The following GABRR3 variants were observed in gnomAD, a reference collection of about 807,000 sequenced individuals.
GABRR3 encodes the protein gamma-aminobutyric acid receptor subunit rho-3.
GABRR3 carries 29 observed loss-of-function variants against 43.2 expected under a neutral mutation model. The ratio of observed to expected loss-of-function variants is 0.67; its 90% CI spans 0.50 to 0.92. The LOEUF is 0.92. GABRR3 is among the 40% of genes least tolerant of loss of function. GABRR3 has a pLI of 0.00. For synonymous variants in GABRR3, 206 were observed against 195.9 expected, an observed-to-expected ratio of 1.05 and a Z score of -0.43; for missense variants, 576 against 572.3, an observed-to-expected ratio of 1.01 and a Z score of -0.07.
chr3:98,020,305 A>T (rs17376145), intron 3 of GABRR3, among the ~76,000 whole-genome samples: 1 of 152,044 alleles, frequency 6.6e-6, no homozygotes, highest in African/African-American at 2.4e-5. Context: ...AGGACTAGAC[A>T]TAGTACAGTT....
At chr3:98,002,112 G>T (rs1001228287) in intron 7 of GABRR3, among the ~76,000 whole-genome samples, 1 of 151,780 alleles carries the variant, frequency 6.6e-6, no homozygotes, top group African/African-American at 2.4e-5. Flanking sequence ...GACTAATAAT[G>T]GCATAAAAGA....
At chr3:98,007,695 T>C in intron 7 of GABRR3, 69 bp downstream of exon 7, 1 of 1,555,434 alleles carries the variant, frequency 6.4e-7, no homozygotes, top group Non-Finnish European at 8.8e-7. Context: ...TCTTTTCGCA[T>C]GTTGTGGTGC....
downstream of GABRR3, among the ~76,000 whole-genome samples, chr3:97,985,145 T>C (rs1190374589): frequency 1.3e-5 from 2 of 152,186 alleles, no homozygotes; most frequent in African/African-American, 4.8e-5. Flanking sequence ...ATCCCAGCAA[T>C]CAAAATAGGT....
intron 8 of GABRR3, chr3:97,997,505 C>T (rs1453802463): frequency 6.6e-6 from 1 of 152,010 alleles, no homozygotes; most frequent in Non-Finnish European, 1.5e-5. Context: ...CTTCATAAGC[C>T]ACTTTACACA....
At chr3:98,034,097 C>G (rs957713433) in intron 2 of GABRR3, among the ~76,000 whole-genome samples, 1 of 152,146 alleles carries the variant, frequency 6.6e-6, no homozygotes, top group East Asian at 1.9e-4. Flanking sequence ...CCTTTTGGGT[C>G]TTTTTGGAAA....
chr3:97,995,790 T>A (rs114421908), intron 8 of GABRR3, among the ~76,000 whole-genome samples: 3,993 of 152,250 alleles, frequency 0.026, 175 homozygotes, highest in African/African-American at 0.09. Flanking sequence ...ACAAATAGTA[T>A]TCCTTCCAAA....
rs191115907 is a variant in GABRR3 at position 98,002,784 on chromosome 3, T to C, written c.755-1017A>G. 1.4e-3 allele frequency among the ~76,000 whole-genome samples: 218 copies of C among 152,248 alleles called. 1 individual carries two copies. Among genetic ancestry groups the C allele is most frequent in the Middle Eastern group, 3.4e-3 (1 of 294 alleles). The stretch of plus-strand genomic sequence containing the variant: ...AACATTATTCAAAACACAGGGACTA[T>C]AGGTCAAAAGTTATAAAATAAAAAT... On this transcript the variant is annotated intron_variant, in intron 7 of 9. Transcript: ENST00000621172.
chr3:98,022,531 A>G (rs1486077725), intron 3 of GABRR3, among the ~76,000 whole-genome samples: 8 of 152,222 alleles, frequency 5.3e-5, no homozygotes, highest in Non-Finnish European at 1.0e-4. Context: ...TATATTCTGC[A>G]GTCTGATTTC....
intron 6 of GABRR3, among the ~76,000 whole-genome samples, 194 bp downstream of exon 6, chr3:98,008,762 G>A (rs188633026): frequency 2.9e-3 from 337 of 115,978 alleles, no homozygotes; most frequent in African/African-American, 0.011. Flanking sequence ...TCCTTTAACA[G>A]ACAAACTGCC....
chr3:97,986,944 C>T (rs1156273819), exon 10 of GABRR3: 1 of 1,610,664 alleles, frequency 6.2e-7, no homozygotes, highest in Admixed American at 1.7e-5. Context: ...CATCAAAGGC[C>T]ATAGCTTGAA....
At chr3:98,010,129 G>A (rs1382214901) in intron 5 of GABRR3, among the ~76,000 whole-genome samples, 1 of 152,178 alleles carries the variant, frequency 6.6e-6, no homozygotes, top group Non-Finnish European at 1.5e-5. Context: ...CTCAGGGTCA[G>A]AGATTCACTA....
exon 3 of GABRR3, chr3:98,025,592 A>G: frequency 2.5e-6 from 4 of 1,611,154 alleles, no homozygotes; most frequent in Non-Finnish European, 1.7e-6. Flanking sequence ...TCATTGCGAA[A>G]TCGTTGTCCT....
At chr3:98,022,589 G>T (rs1706961065) in intron 3 of GABRR3, among the ~76,000 whole-genome samples, 3 of 152,226 alleles carry the variant, frequency 2.0e-5, no homozygotes, top group Admixed American at 2.0e-4. Flanking sequence ...ACTGGTATAA[G>T]AAGCTGTTCT....
intron 9 of GABRR3, among the ~76,000 whole-genome samples, chr3:97,990,715 T>C (rs1379713259): frequency 6.6e-6 from 1 of 151,808 alleles, no homozygotes; most frequent in Non-Finnish European, 1.5e-5. Flanking sequence ...AAATAGGACA[T>C]TCCCTTGAGA....
intron 8 of GABRR3, among the ~76,000 whole-genome samples, chr3:97,995,473 T>C (rs533934133): frequency 6.6e-6 from 1 of 152,330 alleles, no homozygotes; most frequent in Admixed American, 6.5e-5. Flanking sequence ...GGAATTGCGC[T>C]ATCTATATTT....
chr3:98,012,149 G>A (rs902628533), intron 5 of GABRR3, among the ~76,000 whole-genome samples, 195 bp downstream of exon 5: 2 of 152,196 alleles, frequency 1.3e-5, no homozygotes, highest in Non-Finnish European at 2.9e-5. Flanking sequence ...AGTGGGTAGA[G>A]TTAGAATAGA....
intron 9 of GABRR3, among the ~76,000 whole-genome samples, chr3:97,989,437 TGGTGGTG>T (rs1177591877): frequency 6.1e-5 from 8 of 130,442 alleles, no homozygotes; most frequent in East Asian, 2.5e-4. Context: ...TGGTGAGTAG[TGGTGGTG>T]GGTGGTGGGT....
chr3:97,997,574 C>T (rs1045859739), intron 8 of GABRR3: 1 of 152,168 alleles, frequency 6.6e-6, no homozygotes, highest in Non-Finnish European at 1.5e-5. Context: ...GGTATACTAA[C>T]AACAGTTGCA....
exon 5 of GABRR3, chr3:98,012,557 A>G: frequency 6.2e-7 from 1 of 1,612,164 alleles, no homozygotes; most frequent in Non-Finnish European, 8.5e-7. Flanking sequence ...ATAAAAAGTC[A>G]TTGTAAAGTC....
Sources: allele counts gnomAD v4.1 joint callset (sites outside exome capture counted in the v4.1 genomes callset), GRCh38; gene constraint gnomAD v4.1.1; transcripts MANE v1.5; gene names NCBI Gene and HGNC (gene_info 2026-07-23, HGNC 2026-07-21).